KCNC2: variants seen among roughly 807,000 people sequenced by gnomAD.
KCNC2 encodes the protein potassium voltage-gated channel subfamily C member 2, also known as voltage-gated potassium channel KCNC2.
KCNC2 carries 21 observed loss-of-function variants against 44.5 expected under a neutral mutation model. The observed-to-expected ratio is 0.47, with a 90% CI of 0.33 to 0.68. The LOEUF is 0.68. Among genes scored for constraint, KCNC2 ranks in the 30% least tolerant of loss-of-function variants. The pLI is 0.01. For synonymous variants in KCNC2, 391 were observed against 339.1 expected (o/e 1.15, Z -1.68); for missense variants, 589 against 826.2 (o/e 0.71, Z 3.52).
intron 2 of KCNC2, among the ~76,000 whole-genome samples, chr12:75,080,013 C>T (rs1884342648): frequency 6.6e-6 from 1 of 152,114 alleles, no homozygotes; most frequent in African/African-American, 2.4e-5. Context: ...GGGAAGAAGA[C>T]TTGCTCTATG....
At chr12:75,195,086 G>A (rs1311057017) in intron 2 of KCNC2, among the ~76,000 whole-genome samples, 1 of 151,998 alleles carries the variant, frequency 6.6e-6, no homozygotes, top group Non-Finnish European at 1.5e-5. Flanking sequence ...TCTAGCTTTG[G>A]AATCCACATG....
At chr12:75,209,069 C>G (rs942402182) in intron 1 of KCNC2, 138 bp downstream of exon 1, 3 of 152,444 alleles carry the variant, frequency 2.0e-5, no homozygotes, top group African/African-American at 7.2e-5. Flanking sequence ...TTCCAGCCTC[C>G]CAGCCACCTC....
chr12:75,157,435 G>A (rs553623228), intron 2 of KCNC2, among the ~76,000 whole-genome samples: 1 of 151,960 alleles, frequency 6.6e-6, no homozygotes, highest in East Asian at 1.9e-4. Flanking sequence ...TGATGAATCA[G>A]ACAAAAGAAA....
intron 2 of KCNC2, among the ~76,000 whole-genome samples, chr12:75,057,899 C>A (rs1043223790): frequency 1.3e-5 from 2 of 151,656 alleles, no homozygotes; most frequent in African/African-American, 2.4e-5. Context: ...TGTACATATA[C>A]AATCCTTCCT....
chr12:75,135,913 G>A (rs1283925182), intron 2 of KCNC2, among the ~76,000 whole-genome samples: 3 of 151,968 alleles, frequency 2.0e-5, no homozygotes, highest in Non-Finnish European at 2.9e-5. Context: ...CCTTTGACAA[G>A]TCTGTAATCT....
intron 2 of KCNC2, among the ~76,000 whole-genome samples, chr12:75,115,349 T>G (rs1442294503): frequency 1.3e-5 from 2 of 152,246 alleles, no homozygotes; most frequent in Non-Finnish European, 2.9e-5. Flanking sequence ...GAGGTAGGCA[T>G]GGTTATTCAA....
chr12:75,041,934 C>T lies in KCNC2; in HGVS notation c.*1171G>A, dbSNP rs1160465099. On this transcript the variant is annotated 3_prime_UTR_variant, in exon 5 of 5. Coordinates refer to ENST00000549446, the MANE Select transcript of KCNC2 (RefSeq NM_139137.4). ...GAGGCATTTCTGTGCTTCATGGAGA[C>T]AGATGGCATATACAGGAAAGACAGG... 1.0e-6 allele frequency: 1 copy of T among 1,001,528 alleles called. No individual in the cohort carries two copies. Among genetic ancestry groups the T allele is most frequent in the Non-Finnish European group, 1.2e-6 (1 of 840,892 alleles). The allele number at this position is 1,001,528 out of a possible 1,614,324, so 62.0% of individuals were successfully genotyped here.
chr12:75,138,704 G>A (rs562488399), intron 2 of KCNC2, among the ~76,000 whole-genome samples: 21 of 152,252 alleles, frequency 1.4e-4, no homozygotes, highest in Admixed American at 5.2e-4. Flanking sequence ...TTCCGGGCTG[G>A]GCGCGGTGGC....
At chr12:75,076,673 A>T (rs1366341453) in intron 2 of KCNC2, among the ~76,000 whole-genome samples, 1 of 152,170 alleles carries the variant, frequency 6.6e-6, no homozygotes, top group African/African-American at 2.4e-5. Context: ...TTTACTTATG[A>T]TTCTCCTCTA....
At chr12:75,201,254 C>T (rs1424246827) in intron 2 of KCNC2, among the ~76,000 whole-genome samples, 1 of 32,250 alleles carries the variant, frequency 3.1e-5, no homozygotes, top group African/African-American at 1.2e-4. Flanking sequence ...AAGTTACAAA[C>T]GAAATTGGAA....
chr12:75,156,408 C>T (rs796690110), intron 2 of KCNC2, among the ~76,000 whole-genome samples: 10 of 151,866 alleles, frequency 6.6e-5, no homozygotes, highest in East Asian at 1.9e-4. Flanking sequence ...TTTGCAGTCA[C>T]GCTCATTCTT....
At chr12:75,099,212 G>T (rs1344808002) in intron 2 of KCNC2, among the ~76,000 whole-genome samples, 1 of 152,148 alleles carries the variant, frequency 6.6e-6, no homozygotes, top group Admixed American at 6.6e-5. Context: ...CAAATGCAAG[G>T]TGCCATTTGT....
At chr12:75,163,624 C>G (rs531650082) in intron 2 of KCNC2, among the ~76,000 whole-genome samples, 5 of 151,784 alleles carry the variant, frequency 3.3e-5, no homozygotes, top group African/African-American at 9.6e-5. Context: ...ATATCTATTG[C>G]TACTTACGCA....
At chr12:75,190,332 A>G (rs2137703800) in intron 2 of KCNC2, among the ~76,000 whole-genome samples, 1 of 151,952 alleles carries the variant, frequency 6.6e-6, no homozygotes, top group Non-Finnish European at 1.5e-5. Flanking sequence ...CTATCCCACT[A>G]ATTTCTATTT....
At chr12:75,088,125 G>A (rs1005138840) in intron 2 of KCNC2, among the ~76,000 whole-genome samples, 2 of 151,996 alleles carry the variant, frequency 1.3e-5, no homozygotes, top group African/African-American at 2.4e-5. Context: ...TGAAGTCGAG[G>A]TTTAAAAAAC....
intron 2 of KCNC2, among the ~76,000 whole-genome samples, chr12:75,148,322 T>C (rs1283809669): frequency 6.6e-6 from 1 of 152,044 alleles, no homozygotes; most frequent in Non-Finnish European, 1.5e-5. Context: ...CATAAGCTCT[T>C]CCATGGCTGA....
At chr12:75,079,015 T>C (rs1884245450) in intron 2 of KCNC2, among the ~76,000 whole-genome samples, 1 of 152,088 alleles carries the variant, frequency 6.6e-6, no homozygotes, top group Non-Finnish European at 1.5e-5. Context: ...AAATAAATAT[T>C]AAAACACAAA....
chr12:75,087,108 T>G (rs1885092911), intron 2 of KCNC2, among the ~76,000 whole-genome samples: 1 of 152,112 alleles, frequency 6.6e-6, no homozygotes, highest in Admixed American at 6.6e-5. Flanking sequence ...TAATGATAAC[T>G]CTATATGAGA....
intron 2 of KCNC2, among the ~76,000 whole-genome samples, chr12:75,142,627 G>A (rs990652297): frequency 4.6e-5 from 7 of 152,216 alleles, no homozygotes; most frequent in African/African-American, 1.7e-4. Context: ...GGTTCCAGAA[G>A]ATTCACTCAT....
Sources: allele counts gnomAD v4.1 joint callset (sites outside exome capture counted in the v4.1 genomes callset), GRCh38; gene constraint gnomAD v4.1.1; transcripts MANE v1.5; gene names NCBI Gene and HGNC (gene_info 2026-07-23, HGNC 2026-07-21).